The following COX20 variants were observed in gnomAD, a reference collection of about 807,000 sequenced individuals.
COX20 encodes the protein cytochrome c oxidase assembly factor COX20.
Under a neutral mutation model 14.3 loss-of-function variants are expected in COX20, and 14 were observed. The ratio of observed to expected loss-of-function variants is 0.98; its 90% CI spans 0.65 to 1.53. COX20 has a LOEUF of 1.53. Among genes scored for constraint, COX20 ranks in the 40% most tolerant of loss-of-function variants. The pLI, the probability that COX20 is intolerant of heterozygous loss-of-function variation, is 0.00. For missense variants in COX20, 149 were observed against 142.1 expected (o/e 1.05, Z -0.25); for synonymous variants, 56 against 51.7 (o/e 1.08, Z -0.36).
At position 244,844,072 on chromosome 1, in the gene COX20, TGGGGCGAAGGTAACAGCAGTCAACA is replaced by T. The variant is rs1034695433; in HGVS notation, c.*899_*923del. 1.3e-5 allele frequency: 2 copies of T among 152,212 alleles called. No individual in the cohort carries two copies. Among genetic ancestry groups the T allele is most frequent in the Non-Finnish European group, 2.9e-5 (2 of 68,038 alleles). 9.4% of individuals were successfully genotyped at this position (152,212 alleles called of 1,614,324 possible). A position where few individuals can be genotyped will look rare whatever the true frequency, so the allele number is the denominator to read the frequency against. ...GCTTAAGAAATGCTTAAAGAAATAT[TGGGGCGAAGGTAACAGCAGTCAACA>T]GGATTGTGGCCATTACTGGTCCTAT... On this transcript the variant is annotated 3_prime_UTR_variant, in exon 4 of 4. Coordinates refer to ENST00000411948, the MANE Select transcript of COX20 (RefSeq NM_198076.6).
intron 3 of COX20, 91 bp downstream of exon 3, chr1:244,842,349 GGGAGATCCTC>G: frequency 2.3e-6 from 2 of 862,780 alleles, no homozygotes; most frequent in East Asian, 4.8e-5. Context: ...GTCTCCCATT[GGGAGATCCTC>G]ACCCTCAATG....
At chr1:244,839,256 AG>A (rs1052053386) in intron 1 of COX20, among the ~76,000 whole-genome samples, 1 of 152,130 alleles carries the variant, frequency 6.6e-6, no homozygotes, top group Non-Finnish European at 1.5e-5. Context: ...ACCAGAGGAA[AG>A]AAATACGGGC....
intron 1 of COX20, among the ~76,000 whole-genome samples, chr1:244,838,798 T>A (rs535326643): frequency 6.9e-6 from 1 of 144,782 alleles, no homozygotes; most frequent in East Asian, 2.0e-4. Context: ...GATTTTTGGG[T>A]TTTTTTTTTG....
At chr1:244,838,926 A>T (rs565589556) in intron 1 of COX20, among the ~76,000 whole-genome samples, 1 of 152,162 alleles carries the variant, frequency 6.6e-6, no homozygotes, top group African/African-American at 2.4e-5. Context: ...AGTAGCTGGG[A>T]TTACAGGCAT....
intron 1 of COX20, among the ~76,000 whole-genome samples, chr1:244,836,077 T>G (rs1202877502): frequency 6.6e-6 from 1 of 152,208 alleles, no homozygotes; most frequent in Non-Finnish European, 1.5e-5. Context: ...AATTTGTTAG[T>G]AAAGGCTAAT....
chr1:244,843,300 T>A lies in COX20; in HGVS notation c.*124T>A. ...GTTGTAGTCATTTTTTTCCCACACT[T>A]GTGTGGAATGAAAACTTGCCAGTTT... On this transcript the variant is annotated 3_prime_UTR_variant, in exon 4 of 4. Coordinates refer to ENST00000411948, the MANE Select transcript of COX20 (RefSeq NM_198076.6). 2 of 1,167,626 alleles carry A rather than the reference T, an allele frequency of 1.7e-6. No individual in the cohort carries two copies. The highest frequency in any genetic ancestry group is 2.4e-6 in the Non-Finnish European group (2 of 830,630). 72.3% of individuals were successfully genotyped at this position (1,167,626 alleles called of 1,614,324 possible).
intron 1 of COX20, among the ~76,000 whole-genome samples, chr1:244,836,873 A>G (rs948296348): frequency 1.3e-5 from 2 of 152,112 alleles, no homozygotes; most frequent in Non-Finnish European, 2.9e-5. Flanking sequence ...TTCATACTTA[A>G]TATCCAACAG....
chr1:244,835,904 C>A, intron 1 of COX20, 148 bp downstream of exon 1: 2 of 605,170 alleles, frequency 3.3e-6, no homozygotes, highest in Non-Finnish European at 4.8e-6. Context: ...GTCCTTATCC[C>A]AAGCCTCCAA....
Position 244,835,687 on chromosome 1 carries a change from G to C in COX20, c.-28G>C. ...CTGCTTCCGCGACCCCGGCGGTGCA[G>C]GGCGGGTGGAGTCGCGGAGTAGTCC... On this transcript the variant is annotated 5_prime_UTR_variant, in exon 1 of 4. Coordinates refer to ENST00000411948, the MANE Select transcript of COX20 (RefSeq NM_198076.6). 6 of 1,250,232 alleles carry C rather than the reference G, an allele frequency of 4.8e-6. No individual in the cohort carries two copies. Among genetic ancestry groups the C allele is most frequent in the Non-Finnish European group, 5.0e-6 (5 of 996,300 alleles). 77.4% of individuals were successfully genotyped at this position (1,250,232 alleles called of 1,614,324 possible).
Position 244,844,939 on chromosome 1 carries a change from C to T in COX20, c.*1763C>T, listed in dbSNP as rs1363425957. 1 of 153,054 alleles carries T rather than the reference C, an allele frequency of 6.5e-6. No homozygotes were observed. The highest frequency in any genetic ancestry group is 1.5e-5 in the Non-Finnish European group (1 of 68,022). The allele number at this position is 153,054 out of a possible 1,614,324, so 9.5% of individuals were successfully genotyped here. ...TTCCTTGGTATCCACAGGCCCAAGTCCCTTTAAATAAAATACCCTCATATT... is the reference window on the plus strand; with the variant it reads ...TTCCTTGGTATCCACAGGCCCAAGTTCCTTTAAATAAAATACCCTCATATT... On this transcript the variant is annotated 3_prime_UTR_variant, in exon 4 of 4. Coordinates refer to ENST00000411948, the MANE Select transcript of COX20 (RefSeq NM_198076.6).
chr1:244,836,669 G>A, intron 1 of COX20: 1 of 655,542 alleles, frequency 1.5e-6, no homozygotes. Flanking sequence ...CGTAACATTG[G>A]CTAATCACGA....
Position 244,843,192 on chromosome 1 carries a change from G to GAAAAT in COX20, c.*18_*19insAATAA, listed in dbSNP as rs2102976870. Reference sequence around the variant, plus strand: ...CAGCAATTGAACAATCTTGAGCATAGAAGTCAATGTAAACGAAGTTAAGAT... The same window carrying GAAAAT: ...CAGCAATTGAACAATCTTGAGCATAGAAAATAAGTCAATGTAAACGAAGTTAAGAT... On this transcript the variant is annotated 3_prime_UTR_variant, in exon 4 of 4. Coordinates refer to ENST00000411948, the MANE Select transcript of COX20 (RefSeq NM_198076.6). The GAAAAT allele has an allele frequency of 6.4e-7, 1 of 1,561,056 alleles. No individual in the cohort carries two copies. The highest frequency in any genetic ancestry group is 8.6e-7 in the Non-Finnish European group (1 of 1,159,142).
At chr1:244,841,297 C>T (rs1573314485) in intron 1 of COX20, 1 of 152,168 alleles carries the variant, frequency 6.6e-6, no homozygotes, top group Non-Finnish European at 1.5e-5. Context: ...TGGATCCCCG[C>T]GTTTTTCACC....
chr1:244,835,390 G>T, upstream of COX20: 1 of 298,006 alleles, frequency 3.4e-6, no homozygotes. Context: ...GGGGCTGTCT[G>T]GCTCGGTTAC....
chr1:244,836,117 G>A (rs757017366), intron 1 of COX20, among the ~76,000 whole-genome samples: 12 of 152,206 alleles, frequency 7.9e-5, no homozygotes, highest in Admixed American at 3.9e-4. Flanking sequence ...TTGAGGACAG[G>A]TGCCTTGTCT....
chr1:244,836,030 T>C (rs1679969490), intron 1 of COX20, among the ~76,000 whole-genome samples: 1 of 152,222 alleles, frequency 6.6e-6, no homozygotes, highest in African/African-American at 2.4e-5. Context: ...ACTGAATCTT[T>C]GGCGAGAAAA....
At chr1:244,842,167 T>A (rs1280053893) in intron 2 of COX20, 28 bp from the exon 3 acceptor site, 2 of 1,527,934 alleles carry the variant, frequency 1.3e-6, no homozygotes, top group Non-Finnish European at 1.8e-6. Context: ...AATTATATTC[T>A]AATTAATTGT....
At chr1:244,838,460 A>C (rs950772501) in intron 1 of COX20, among the ~76,000 whole-genome samples, 4 of 152,208 alleles carry the variant, frequency 2.6e-5, no homozygotes, top group African/African-American at 9.6e-5. Flanking sequence ...GGCACTTCAG[A>C]ATCAGGTCTG....
chr1:244,842,488 C>A (rs888544609), intron 3 of COX20: 2 of 504,422 alleles, frequency 4.0e-6, no homozygotes, highest in African/African-American at 3.8e-5. Flanking sequence ...CTTAGGAAAG[C>A]CTCAACCATT....
Sources: gnomAD v4.1 joint callset for allele counts (sites outside exome capture counted in the v4.1 genomes callset) on GRCh38, gnomAD v4.1.1 for gene constraint, MANE v1.5 for transcripts, NCBI Gene and HGNC (gene_info 2026-07-23, HGNC 2026-07-21) for gene names.